ERN1: variants seen among roughly 807,000 people sequenced by gnomAD.
ERN1 encodes endoplasmic reticulum to nucleus signaling 1.
A neutral mutation model predicts 113.1 loss-of-function variants in ERN1; 39 were observed. That is an observed-to-expected ratio of 0.34 (90% confidence interval 0.27 to 0.45). The LOEUF (loss-of-function observed/expected upper bound fraction) is 0.45, where lower values mean the gene tolerates loss of function less well. Ranked by LOEUF, ERN1 falls within the 20% of genes least tolerant of loss-of-function variation. The probability of loss-of-function intolerance (pLI) is 1.00; values close to 1 mark genes in which losing one functional copy is unlikely to be tolerated. For missense variants in ERN1, 976 were observed against 1,274.8 expected (o/e 0.77, Z 3.57); for synonymous variants, 507 against 515.9 (o/e 0.98, Z 0.23).
chr17:64,057,535 A>AT lies in ERN1; in HGVS notation c.1398+266dup, dbSNP rs1912911839. 3.9e-5 allele frequency among the ~76,000 whole-genome samples: 6 copies of AT among 152,190 alleles called. No homozygotes were observed. The South Asian group carries it at 1.2e-3, about 32-fold the overall frequency. ...AGGCCCCTGCCACCATGCCCGGCTA[A>AT]TTTTTTGTATTTTTAGTAGAGACAG... On this transcript the variant is annotated intron_variant, in intron 12 of 21. Coordinates refer to ENST00000433197, the MANE Select transcript of ERN1 (RefSeq NM_001433.5).
intron 1 of ERN1, among the ~76,000 whole-genome samples, chr17:64,125,811 A>G (rs938971225): frequency 6.6e-6 from 1 of 152,130 alleles, no homozygotes; most frequent in Admixed American, 6.5e-5. Flanking sequence ...GTTTTTTTAC[A>G]TGGATGATGG....
intron 2 of ERN1, among the ~76,000 whole-genome samples, chr17:64,090,355 T>C (rs1022044979): frequency 1.3e-5 from 2 of 152,216 alleles, no homozygotes; most frequent in African/African-American, 4.8e-5. Flanking sequence ...TAAAAGCAGC[T>C]GAAGTCTACT....
intron 9 of ERN1, 148 bp downstream of exon 9, chr17:64,065,061 T>C (rs1028259712): frequency 2.4e-5 from 14 of 577,772 alleles, no homozygotes; most frequent in African/African-American, 2.1e-4. Context: ...CAAAGTAGAA[T>C]GTGGCATGTG....
intron 1 of ERN1, among the ~76,000 whole-genome samples, chr17:64,107,915 T>G (rs1914572230): frequency 1.3e-5 from 2 of 152,176 alleles, no homozygotes; most frequent in African/African-American, 4.8e-5. Context: ...CAATAATCCA[T>G]CAACCATACA....
At chr17:64,045,558 C>A in intron 19 of ERN1, 76 bp from the exon 20 acceptor site, 2 of 1,586,962 alleles carry the variant, frequency 1.3e-6, no homozygotes, top group South Asian at 1.1e-5. Flanking sequence ...GACTCAGTAA[C>A]AGATCATCAC....
At chr17:64,103,977 G>A (rs975414726) in intron 1 of ERN1, among the ~76,000 whole-genome samples, 7 of 151,886 alleles carry the variant, frequency 4.6e-5, no homozygotes, top group Admixed American at 1.3e-4. Context: ...GGTGACTCAC[G>A]CCTGTAATTC....
chr17:64,068,582 C>T (rs921498729), intron 6 of ERN1, among the ~76,000 whole-genome samples: 1 of 152,172 alleles, frequency 6.6e-6, no homozygotes, highest in Non-Finnish European at 1.5e-5. Context: ...CATTAAGCTT[C>T]GGGGTGCCTT....
At chr17:64,114,257 G>C (rs1253137198) in intron 1 of ERN1, among the ~76,000 whole-genome samples, 1 of 152,260 alleles carries the variant, frequency 6.6e-6, no homozygotes, top group Middle Eastern at 3.4e-3. Flanking sequence ...GGAGCTTACA[G>C]TCCAATAGGA....
At chr17:64,058,098 C>T in intron 11 of ERN1, 105 bp from the exon 12 acceptor site, 1 of 866,224 alleles carries the variant, frequency 1.2e-6, no homozygotes, top group African/African-American at 1.7e-5. Flanking sequence ...TATGACTGTA[C>T]TGCAGGGGGT....
intron 1 of ERN1, among the ~76,000 whole-genome samples, chr17:64,119,386 T>TG (rs1914895768): frequency 2.9e-5 from 4 of 135,926 alleles, no homozygotes; most frequent in African/African-American, 1.1e-4. Flanking sequence ...GTTTTTTTTT[T>TG]TTTTTTTTTT....
chr17:64,053,355 T>C lies in ERN1; in HGVS notation c.1970A>G (p.Asp657Gly), dbSNP rs1316693567. 1 of 1,609,632 alleles carries C rather than the reference T, an allele frequency of 6.2e-7. No individual in the cohort carries two copies. Among genetic ancestry groups the C allele is most frequent in the Non-Finnish European group, 8.5e-7 (1 of 1,177,856 alleles). The part of the protein sequence containing the change: ...ATLQEYVEQK[D>G]FAHLGLEPIT... ...GGGCTCCAGGCCGAGATGCGCAAAGTCCTTCTGCTCCACATACTGCAAAAG... is the reference window on the plus strand; with the variant it reads ...GGGCTCCAGGCCGAGATGCGCAAAGCCCTTCTGCTCCACATACTGCAAAAG... The change falls in exon 16 of 22, where the codon GAC becomes GGC. Residue 657 changes from aspartate (D) to glycine (G), a missense_variant. This residue lies in a region of ERN1 where 297 missense variants were observed against 457.8 expected (regional missense o/e 0.65). Coordinates refer to ENST00000433197, the MANE Select transcript of ERN1 (RefSeq NM_001433.5).
intron 1 of ERN1, among the ~76,000 whole-genome samples, chr17:64,124,847 G>C (rs1248188479): frequency 6.6e-6 from 1 of 152,190 alleles, no homozygotes; most frequent in Non-Finnish European, 1.5e-5. Flanking sequence ...TTGAGAACAT[G>C]ATGCTAAGTT....
chr17:64,081,898 A>G (rs1250515833), intron 2 of ERN1, among the ~76,000 whole-genome samples: 3 of 152,216 alleles, frequency 2.0e-5, no homozygotes, highest in Non-Finnish European at 4.4e-5. Context: ...AGCACTGTGT[A>G]GTGACAGATC....
chr17:64,040,735 C>A lies in ERN1; in HGVS notation c.*3253G>T, dbSNP rs1912311148. On this transcript the variant is annotated 3_prime_UTR_variant, in exon 22 of 22. Coordinates refer to ENST00000433197, the MANE Select transcript of ERN1 (RefSeq NM_001433.5). Reference sequence around the variant, plus strand: ...TGAGAACACGGCGGGAGTGAGAACACCTGCGCACCCAGGATTTCACACTTA... The same window carrying A: ...TGAGAACACGGCGGGAGTGAGAACAACTGCGCACCCAGGATTTCACACTTA... 1 of 152,302 alleles carries A rather than the reference C, an allele frequency of 6.6e-6. No individual in the cohort carries two copies. The highest frequency in any genetic ancestry group is 1.9e-4 in the East Asian group (1 of 5,188). The allele number at this position is 152,302 out of a possible 1,614,324, so 9.4% of individuals were successfully genotyped here. A position where few individuals can be genotyped will look rare whatever the true frequency, so the allele number is the denominator to read the frequency against.
At chr17:64,110,741 A>G (rs189692481) in intron 1 of ERN1, among the ~76,000 whole-genome samples, 1 of 152,336 alleles carries the variant, frequency 6.6e-6, no homozygotes, top group African/African-American at 2.4e-5. Flanking sequence ...ATATTACATC[A>G]GATTTCTGTA....
At chr17:64,107,101 G>A (rs1372085487) in intron 1 of ERN1, among the ~76,000 whole-genome samples, 1 of 152,012 alleles carries the variant, frequency 6.6e-6, no homozygotes, top group African/African-American at 2.4e-5. Context: ...TCCGATCATG[G>A]CCAAAAAGAC....
intron 1 of ERN1, among the ~76,000 whole-genome samples, chr17:64,114,297 T>G (rs1432266053): frequency 6.6e-6 from 1 of 152,080 alleles, no homozygotes; most frequent in East Asian, 1.9e-4. Context: ...GACACAAACA[T>G]AAAATGACAA....
At chr17:64,045,727 A>G (rs1161039020) in intron 19 of ERN1, among the ~76,000 whole-genome samples, 1 of 152,192 alleles carries the variant, frequency 6.6e-6, no homozygotes, top group Non-Finnish European at 1.5e-5. Context: ...ACCTGCATAT[A>G]GACCACGAAC....
chr17:64,068,185 C>T lies in ERN1; in HGVS notation c.580+5G>A. The T allele has an allele frequency of 6.2e-7, 1 of 1,600,390 alleles. No individual in the cohort carries two copies. The highest frequency in any genetic ancestry group is 8.5e-7 in the Non-Finnish European group (1 of 1,172,020). ...AGCTTGTGAAATCCAGCAGAGAGCA[C>T]TTACTGTAGTCCACGTCGTCCTCAG... On this transcript the variant is annotated splice_donor_5th_base_variant and intron_variant, in intron 7 of 21. Transcript: ENST00000433197.
Sources: gnomAD v4.1 joint callset for allele counts (sites outside exome capture counted in the v4.1 genomes callset) on GRCh38, gnomAD v4.1.1 for gene constraint, gnomAD v4.1.1 regional missense constraint, MANE v1.5 for transcripts, NCBI Gene and HGNC (gene_info 2026-07-23, HGNC 2026-07-21) for gene names.